The following SAMD5 variants were observed in gnomAD, a reference collection of about 807,000 sequenced individuals.
SAMD5 encodes the protein sterile alpha motif domain-containing protein 5.
Under a neutral mutation model 11.3 loss-of-function variants are expected in SAMD5, and 13 were observed. The observed-to-expected ratio is 1.15, with a 90% confidence interval of 0.75 to 1.83. The LOEUF (loss-of-function observed/expected upper bound fraction) is 1.83. Among genes scored for constraint, SAMD5 ranks in the 40% most tolerant of loss-of-function variants. The pLI, the probability that SAMD5 is intolerant of heterozygous loss-of-function variation, is 0.00. For missense variants in SAMD5, 255 were observed against 239.1 expected, an observed-to-expected ratio of 1.07 and a Z score of -0.44; for synonymous variants, 129 against 111.3, an observed-to-expected ratio of 1.16 and a Z score of -1.00.
At chr6:147,881,373 C>T in the SAMD5 span, among the ~76,000 whole-genome samples, 2 of 152,134 alleles carry the variant, frequency 1.3e-5, no homozygotes, top group Non-Finnish European at 2.9e-5. Flanking sequence ...CTCCAAGCCC[C>T]GCGTCAAGGT....
the SAMD5 span, among the ~76,000 whole-genome samples, chr6:147,878,330 G>C: frequency 6.6e-6 from 1 of 151,566 alleles, no homozygotes; most frequent in Non-Finnish European, 1.5e-5. Context: ...CTTTTATAAG[G>C]ACTGCGTTTC....
At chr6:147,524,419 G>GT (rs202193174) in intron 1 of SAMD5, among the ~76,000 whole-genome samples, 8,031 of 148,464 alleles carry the variant, frequency 0.054, 265 homozygotes, top group Admixed American at 0.085. Flanking sequence ...TTTTGTTTTT[G>GT]TTGTTTTTTT....
the SAMD5 span, among the ~76,000 whole-genome samples, chr6:147,938,311 A>G: frequency 6.6e-6 from 1 of 151,764 alleles, no homozygotes; most frequent in Non-Finnish European, 1.5e-5. Flanking sequence ...TGACAACAGT[A>G]CTAAAAGTGT....
Position 147,569,235 on chromosome 6 carries a change from AG to A in SAMD5, c.*4780del, listed in dbSNP as rs61015765. The A allele has an allele frequency of 0.046, 15,265 of 334,528 alleles. 1,016 individuals are homozygous for A. The highest frequency in any genetic ancestry group is 0.21 in the African/African-American group (9,050 of 43,010). The allele number at this position is 334,528 out of a possible 1,614,324, so 20.7% of individuals were successfully genotyped here. A position where few individuals can be genotyped will look rare whatever the true frequency, so the allele number is the denominator to read the frequency against. ...GACTCTGTCTAAAAAAAAAAAAAAA[AG>A]AAAAGAAAAAAGAAAAATTGAAGAA... On this transcript the variant is annotated 3_prime_UTR_variant, in exon 2 of 2. Coordinates refer to ENST00000367474, the MANE Select transcript of SAMD5 (RefSeq NM_001030060.3).
the SAMD5 span, among the ~76,000 whole-genome samples, chr6:147,841,056 G>A: frequency 1.3e-5 from 2 of 152,152 alleles, no homozygotes; most frequent in African/African-American, 4.8e-5. Context: ...CTGTTAAAGA[G>A]GAATGAGAAG....
chr6:147,774,149 T>C, the SAMD5 span, among the ~76,000 whole-genome samples: 4 of 152,266 alleles, frequency 2.6e-5, no homozygotes, highest in African/African-American at 9.6e-5. Context: ...GCCTCATGTC[T>C]CTATTATAAG....
chr6:147,638,811 G>T (rs1475931604), intron 1 of SAMD5, among the ~76,000 whole-genome samples: 1 of 152,210 alleles, frequency 6.6e-6, no homozygotes, highest in East Asian at 1.9e-4. Context: ...CTGGAATTCA[G>T]AGACAGTGCT....
chr6:147,614,469 C>CAA (rs55991810), intron 1 of SAMD5, among the ~76,000 whole-genome samples: 14,426 of 137,962 alleles, frequency 0.1, 864 homozygotes, highest in Middle Eastern at 0.18. Context: ...ACTCTGTCTC[C>CAA]AAAAAAAAAA....
the SAMD5 span, among the ~76,000 whole-genome samples, chr6:147,931,514 C>T: frequency 1.3e-5 from 2 of 152,140 alleles, no homozygotes; most frequent in Admixed American, 1.3e-4. Flanking sequence ...TGTCTAGTTA[C>T]CTCCTGTATC....
chr6:147,889,207 T>C, the SAMD5 span, among the ~76,000 whole-genome samples: 1 of 152,372 alleles, frequency 6.6e-6, no homozygotes, highest in African/African-American at 2.4e-5. Flanking sequence ...TTGAACAGTT[T>C]CTGTTGCTGT....
At chr6:147,519,057 T>C (rs946364186) in intron 1 of SAMD5, among the ~76,000 whole-genome samples, 1 of 152,238 alleles carries the variant, frequency 6.6e-6, no homozygotes, top group Non-Finnish European at 1.5e-5. Context: ...AATCTTACTG[T>C]TACATTTCCA....
At chr6:147,695,497 A>C (rs1013174071) in intron 1 of SAMD5, among the ~76,000 whole-genome samples, 1 of 152,232 alleles carries the variant, frequency 6.6e-6, no homozygotes, top group Non-Finnish European at 1.5e-5. Flanking sequence ...ATATTAAATA[A>C]CTAAATGATC....
chr6:147,832,704 T>G, the SAMD5 span, among the ~76,000 whole-genome samples: 1 of 152,202 alleles, frequency 6.6e-6, no homozygotes, highest in Non-Finnish European at 1.5e-5. Context: ...CTAATTACTT[T>G]ATCACATCAA....
chr6:147,613,901 C>T (rs9377066), intron 1 of SAMD5, among the ~76,000 whole-genome samples: 38,366 of 151,756 alleles, frequency 0.25, 5,768 homozygotes, highest in African/African-American at 0.4. Flanking sequence ...AAGTCTCTAT[C>T]GGTCTGTGTC....
the SAMD5 span, among the ~76,000 whole-genome samples, chr6:147,903,679 G>A: frequency 6.6e-6 from 1 of 152,180 alleles, no homozygotes; most frequent in Non-Finnish European, 1.5e-5. Context: ...GGAGGCAGAG[G>A]TGGGTGGATC....
the SAMD5 span, among the ~76,000 whole-genome samples, chr6:147,949,631 GTTAT>G: frequency 3.9e-5 from 6 of 152,002 alleles, no homozygotes; most frequent in Non-Finnish European, 7.4e-5. Context: ...CTAAAATATC[GTTAT>G]TTTTCTTATT....
At chr6:147,796,708 G>T in the SAMD5 span, among the ~76,000 whole-genome samples, 24 of 152,278 alleles carry the variant, frequency 1.6e-4, no homozygotes, top group African/African-American at 5.3e-4. Flanking sequence ...AGCATGGAAT[G>T]TTGTTCCATT....
intron 1 of SAMD5, among the ~76,000 whole-genome samples, chr6:147,617,358 G>T (rs766850825): frequency 7.2e-5 from 11 of 152,158 alleles, no homozygotes; most frequent in Non-Finnish European, 1.5e-4. Flanking sequence ...ATGCCCTTGG[G>T]CCTCAAATTA....
chr6:147,898,906 C>T, the SAMD5 span, among the ~76,000 whole-genome samples: 2 of 151,906 alleles, frequency 1.3e-5, no homozygotes, highest in African/African-American at 2.4e-5. Context: ...GTTGGCCGGG[C>T]GTGGTGGCTC....
Sources: allele counts gnomAD v4.1 joint callset (sites outside exome capture counted in the v4.1 genomes callset), GRCh38; gene constraint gnomAD v4.1.1; transcripts MANE v1.5; gene names NCBI Gene and HGNC (gene_info 2026-07-23, HGNC 2026-07-21).